The following LRRC4C variants were observed in gnomAD, a reference collection of about 807,000 sequenced individuals.
The protein encoded by LRRC4C is leucine rich repeat containing 4C.
LRRC4C carries 5 observed loss-of-function variants against 33.6 expected under a neutral mutation model. The ratio of observed to expected loss-of-function variants is 0.15; its 90% CI spans 0.08 to 0.31. The LOEUF (loss-of-function observed/expected upper bound fraction) is 0.31, where lower values mean the gene tolerates loss of function less well. LRRC4C is among the 10% of genes least tolerant of loss of function. The pLI, the probability that LRRC4C is intolerant of heterozygous loss-of-function variation, is 1.00. For synonymous variants in LRRC4C, 329 were observed against 302.0 expected (o/e 1.09, Z -0.93); for missense variants, 560 against 796.7 (o/e 0.70, Z 3.58).
chr11:40,543,589 T>A (rs1401305923), intron 3 of LRRC4C, among the ~76,000 whole-genome samples: 3 of 152,094 alleles, frequency 2.0e-5, no homozygotes, highest in Non-Finnish European at 2.9e-5. Context: ...AAAAGGCAGC[T>A]GGATGGCAAA....
chr11:41,388,267 T>C (rs1042708700), intron 1 of LRRC4C, among the ~76,000 whole-genome samples: 1 of 151,780 alleles, frequency 6.6e-6, no homozygotes, highest in African/African-American at 2.4e-5. Context: ...ATTGTGGTAG[T>C]GCTAGGGTAA....
chr11:40,729,457 C>T (rs1003751355), intron 2 of LRRC4C, among the ~76,000 whole-genome samples: 8 of 152,136 alleles, frequency 5.3e-5, no homozygotes, highest in Non-Finnish European at 1.5e-5. Context: ...CCTTTTCTGG[C>T]CTACTAGTCA....
intron 1 of LRRC4C, among the ~76,000 whole-genome samples, chr11:41,192,424 CAT>C (rs1164920083): frequency 5.9e-4 from 73 of 123,296 alleles, no homozygotes; most frequent in African/African-American, 1.9e-3. Context: ...CACACACACA[CAT>C]ATATATACAT....
chr11:40,942,354 T>C (rs1279794734), intron 1 of LRRC4C, among the ~76,000 whole-genome samples: 1 of 152,178 alleles, frequency 6.6e-6, no homozygotes, highest in South Asian at 2.1e-4. Flanking sequence ...ACTTTCATTG[T>C]AGTGGTCATG....
chr11:40,577,514 G>A (rs1276100322), intron 3 of LRRC4C, among the ~76,000 whole-genome samples: 1 of 152,182 alleles, frequency 6.6e-6, no homozygotes, highest in Non-Finnish European at 1.5e-5. Context: ...TATATCGGTA[G>A]TTCTTAATGG....
At chr11:40,502,093 G>A (rs1954803019) in intron 3 of LRRC4C, among the ~76,000 whole-genome samples, 1 of 152,102 alleles carries the variant, frequency 6.6e-6, no homozygotes, top group African/African-American at 2.4e-5. Context: ...AACATAACAA[G>A]AGTCACCTTT....
At chr11:41,410,443 G>C (rs905048673) in intron 1 of LRRC4C, among the ~76,000 whole-genome samples, 3 of 136,698 alleles carry the variant, frequency 2.2e-5, no homozygotes, top group Admixed American at 1.6e-4. Context: ...ACGTTGTTTC[G>C]CTCTGTCACC....
intron 1 of LRRC4C, among the ~76,000 whole-genome samples, chr11:41,214,787 A>G (rs1405801362): frequency 1.4e-5 from 2 of 144,546 alleles, no homozygotes; most frequent in Admixed American, 6.9e-5. Context: ...ACACATATAT[A>G]TATGTGTGTA....
At chr11:40,806,752 T>C (rs947400265) in intron 2 of LRRC4C, among the ~76,000 whole-genome samples, 1 of 152,214 alleles carries the variant, frequency 6.6e-6, no homozygotes, top group African/African-American at 2.4e-5. Context: ...GTCCCAGAAA[T>C]GTATACATCT....
At chr11:40,500,352 T>TTA (rs1483784217) in intron 3 of LRRC4C, among the ~76,000 whole-genome samples, 26 of 137,666 alleles carry the variant, frequency 1.9e-4, no homozygotes, top group African/African-American at 5.8e-4. Flanking sequence ...TATATACACA[T>TTA]TATATATATA....
chr11:41,128,669 T>C (rs1942864473), intron 1 of LRRC4C, among the ~76,000 whole-genome samples: 2 of 152,096 alleles, frequency 1.3e-5, no homozygotes, highest in African/African-American at 4.8e-5. Context: ...GTATTCCTTA[T>C]TAATAAGTAA....
At chr11:40,609,236 G>T (rs369382897) in intron 3 of LRRC4C, among the ~76,000 whole-genome samples, 1 of 151,952 alleles carries the variant, frequency 6.6e-6, no homozygotes, top group Non-Finnish European at 1.5e-5. Context: ...GATTACAAGG[G>T]AATAAAAGTA....
chr11:40,648,719 A>G (rs1239707415), intron 2 of LRRC4C, among the ~76,000 whole-genome samples: 1 of 152,206 alleles, frequency 6.6e-6, no homozygotes, highest in African/African-American at 2.4e-5. Flanking sequence ...AGATCTTGCT[A>G]TCCACACTGT....
chr11:40,767,966 G>T (rs975440525), intron 2 of LRRC4C, among the ~76,000 whole-genome samples: 2 of 151,584 alleles, frequency 1.3e-5, no homozygotes, highest in African/African-American at 4.8e-5. Flanking sequence ...AGAAAAAAAA[G>T]AAATAAAATG....
intron 2 of LRRC4C, among the ~76,000 whole-genome samples, chr11:40,793,110 C>T (rs1486149792): frequency 2.6e-5 from 4 of 151,864 alleles, no homozygotes; most frequent in African/African-American, 9.7e-5. Flanking sequence ...ACATTGTGCA[C>T]ATGTACCCTA....
intron 1 of LRRC4C, among the ~76,000 whole-genome samples, chr11:41,181,096 A>T (rs1415618066): frequency 6.6e-6 from 1 of 152,182 alleles, no homozygotes; most frequent in Non-Finnish European, 1.5e-5. Context: ...CTGTTTTCTT[A>T]TTCAGTGAGT....
intron 2 of LRRC4C, among the ~76,000 whole-genome samples, chr11:40,925,108 G>C (rs1263238516): frequency 6.7e-6 from 1 of 148,552 alleles, no homozygotes; most frequent in Non-Finnish European, 1.5e-5. Context: ...AGCGGGAGGA[G>C]CCATCCCCAA....
chr11:40,260,889 TA>T (rs1213461208), intron 4 of LRRC4C, among the ~76,000 whole-genome samples: 1 of 152,214 alleles, frequency 6.6e-6, no homozygotes, highest in Non-Finnish European at 1.5e-5. Context: ...ATTCTTTTTT[TA>T]TTTTTTTAGA....
rs553945951 is a variant in LRRC4C, at chr11:41,313,802, T to C, written c.-496+145629A>G. On this transcript the variant is annotated intron_variant, in intron 1 of 6. Coordinates refer to ENST00000528697, the MANE Select transcript of LRRC4C (RefSeq NM_001258419.2). Reference sequence around the variant, plus strand: ...CAGCCATTATCATAAGCCTAAAAATTTGATAAATTTTTCAGTGGCCTGCAT... The same window carrying C: ...CAGCCATTATCATAAGCCTAAAAATCTGATAAATTTTTCAGTGGCCTGCAT... Among the ~76,000 whole-genome samples, 8 of 152,260 alleles carry C rather than the reference T, an allele frequency of 5.3e-5. No individual in the cohort carries two copies. The East Asian group carries it at 1.5e-3, about 29-fold the overall frequency.
Sources: gnomAD v4.1 joint callset for allele counts (sites outside exome capture counted in the v4.1 genomes callset) on GRCh38, gnomAD v4.1.1 for gene constraint, MANE v1.5 for transcripts, NCBI Gene and HGNC (gene_info 2026-07-23, HGNC 2026-07-21) for gene names.